The following ITGB8 variants were observed in gnomAD, a reference collection of about 807,000 sequenced individuals.
The protein encoded by ITGB8 is integrin subunit beta 8, also known as integrin beta-8.
In ITGB8, 30 loss-of-function variants were observed where a neutral mutation model predicts 89.5. The ratio of observed to expected loss-of-function variants is 0.34; its 90% CI spans 0.25 to 0.45. The LOEUF is 0.45. Among genes scored for constraint, ITGB8 ranks in the 20% least tolerant of loss-of-function variants. The probability of loss-of-function intolerance (pLI) is 1.00; values close to 1 mark genes in which losing one functional copy is unlikely to be tolerated. For missense variants in ITGB8, 836 were observed against 933.3 expected, an observed-to-expected ratio of 0.90 and a Z score of 1.36; for synonymous variants, 335 against 320.4, an observed-to-expected ratio of 1.05 and a Z score of -0.49.
At chr7:20,344,446 G>C (rs1784857190) in intron 1 of ITGB8, among the ~76,000 whole-genome samples, 1 of 152,202 alleles carries the variant, frequency 6.6e-6, no homozygotes, top group South Asian at 2.1e-4. Flanking sequence ...AATCCAGGCT[G>C]TGTCTCCAAT....
In ITGB8 at chr7:20,331,754, C is replaced by T; in HGVS notation, c.-53C>T. 3 of 1,570,346 alleles carry T rather than the reference C, an allele frequency of 1.9e-6. No individual in the cohort carries two copies. The highest frequency in any genetic ancestry group is 1.4e-5 in the African/African-American group (1 of 73,296). On this transcript the variant is annotated 5_prime_UTR_variant, in exon 1 of 14. Coordinates refer to ENST00000222573, the MANE Select transcript of ITGB8 (RefSeq NM_002214.3). Reference sequence around the variant, plus strand: ...CCGAGGTGCGCCCGGGAGGCGCGAGCCCGCGTCCGGAAGGCAGTCAGGCGG... The same window carrying T: ...CCGAGGTGCGCCCGGGAGGCGCGAGTCCGCGTCCGGAAGGCAGTCAGGCGG...
intron 12 of ITGB8, among the ~76,000 whole-genome samples, 188 bp from the exon 13 acceptor site, chr7:20,409,427 G>A (rs962083681): frequency 6.6e-6 from 1 of 152,176 alleles, no homozygotes; most frequent in Non-Finnish European, 1.5e-5. Context: ...TATTTTCATA[G>A]TAAACGCGCA....
chr7:20,362,493 G>T (rs1006240903), intron 1 of ITGB8, among the ~76,000 whole-genome samples: 1 of 152,154 alleles, frequency 6.6e-6, no homozygotes, highest in Non-Finnish European at 1.5e-5. Context: ...CCTTAAATAT[G>T]CCCTCTTCCT....
intron 1 of ITGB8, among the ~76,000 whole-genome samples, chr7:20,342,528 T>C (rs114762517): frequency 0.016 from 2,434 of 152,264 alleles, 69 homozygotes; most frequent in African/African-American, 0.055. Flanking sequence ...TTGTTGGATG[T>C]TGCCTAGATA....
intron 1 of ITGB8, among the ~76,000 whole-genome samples, chr7:20,353,512 T>C (rs1785178879): frequency 6.6e-6 from 1 of 152,176 alleles, no homozygotes; most frequent in South Asian, 2.1e-4. Context: ...GTAAGTGAAT[T>C]TGGTGATCTT....
chr7:20,359,508 A>G (rs755210930), intron 1 of ITGB8, among the ~76,000 whole-genome samples: 2 of 152,184 alleles, frequency 1.3e-5, no homozygotes, highest in Non-Finnish European at 2.9e-5. Flanking sequence ...GTTTTCTTGT[A>G]ATGTTGGATG....
chr7:20,398,147 G>A (rs1314804597), intron 8 of ITGB8, among the ~76,000 whole-genome samples: 6 of 152,182 alleles, frequency 3.9e-5, no homozygotes, highest in Non-Finnish European at 8.8e-5. Flanking sequence ...TTTATTGAAT[G>A]AGTGTATACA....
intron 1 of ITGB8, among the ~76,000 whole-genome samples, chr7:20,347,640 G>A (rs1225756711): frequency 1.3e-5 from 2 of 152,212 alleles, no homozygotes; most frequent in African/African-American, 4.8e-5. Flanking sequence ...ATTCAAGTCA[G>A]GAAGAGGAAC....
chr7:20,391,538 A>T, intron 7 of ITGB8, 40 bp downstream of exon 7: 3 of 1,071,002 alleles, frequency 2.8e-6, no homozygotes, highest in Middle Eastern at 2.1e-4. Context: ...AATTTTTTTC[A>T]TTGGTAATTG....
In ITGB8 at chr7:20,381,876, G is replaced by T. The variant is rs61733924; in HGVS notation, c.951G>T (p.Ser317=). The change falls in exon 6 of 14, where the codon TCG becomes TCT. Residue 317 remains serine, a synonymous_variant. Transcript: ENST00000222573. The part of the protein sequence containing the change: ...CHLKNNVYVK[S]TTMEHPSLGQ... Reference sequence around the variant, plus strand: ...TGAAAAACAACGTCTATGTCAAATCGACAACCATGGTAATGCAGCAGTAAC... The same window carrying T: ...TGAAAAACAACGTCTATGTCAAATCTACAACCATGGTAATGCAGCAGTAAC... 10,694 of 1,611,130 alleles carry T rather than the reference G, an allele frequency of 6.6e-3. 593 individuals carry two copies. In the African/African-American group the frequency reaches 0.12, roughly 18 times the overall value.
chr7:20,378,993 G>A, intron 3 of ITGB8, 58 bp from the exon 4 acceptor site: 1 of 1,403,760 alleles, frequency 7.1e-7, no homozygotes, highest in Non-Finnish European at 9.6e-7. Flanking sequence ...TTTATTAAGA[G>A]CTTATCCTGA....
At chr7:20,332,230 G>T (rs116856540) in intron 1 of ITGB8, among the ~76,000 whole-genome samples, 2,881 of 152,342 alleles carry the variant, frequency 0.019, 49 homozygotes, top group Non-Finnish European at 0.028. Context: ...CCTGTTTACA[G>T]AAGTCATTTA....
At chr7:20,336,000 C>CTTTTTTTT (rs201113693) in intron 1 of ITGB8, among the ~76,000 whole-genome samples, 9 of 96,398 alleles carry the variant, frequency 9.3e-5, no homozygotes, top group African/African-American at 1.3e-4. Context: ...TCTTGGTTTT[C>CTTTTTTTT]TTTTTTTTTT....
At chr7:20,372,457 G>T (rs1253401532) in intron 3 of ITGB8, among the ~76,000 whole-genome samples, 1 of 152,150 alleles carries the variant, frequency 6.6e-6, no homozygotes, top group Non-Finnish European at 1.5e-5. Context: ...CCAGGATCTG[G>T]CAAGCAACTT....
At chr7:20,374,560 A>G (rs1786059319) in intron 3 of ITGB8, among the ~76,000 whole-genome samples, 1 of 151,728 alleles carries the variant, frequency 6.6e-6, no homozygotes. Context: ...AAATGGTGGT[A>G]TGATCCAGTT....
intron 3 of ITGB8, among the ~76,000 whole-genome samples, chr7:20,372,028 CTCT>C (rs1374345807): frequency 6.6e-6 from 1 of 152,112 alleles, no homozygotes; most frequent in African/African-American, 2.4e-5. Context: ...ATCTTCATCT[CTCT>C]TTTTTTGTGT....
chr7:20,403,873 C>A (rs1157493169), intron 10 of ITGB8, among the ~76,000 whole-genome samples: 1 of 152,118 alleles, frequency 6.6e-6, no homozygotes, highest in East Asian at 1.9e-4. Flanking sequence ...CCCCTTTTGA[C>A]GATTTCTAGT....
chr7:20,337,964 CAGGAG>C (rs1411235070), intron 1 of ITGB8, among the ~76,000 whole-genome samples: 1 of 152,196 alleles, frequency 6.6e-6, no homozygotes. Flanking sequence ...GACACTGATG[CAGGAG>C]AGGTAAACAG....
intron 7 of ITGB8, 99 bp from the exon 8 acceptor site, chr7:20,394,797 C>A: frequency 2.5e-6 from 2 of 802,156 alleles, no homozygotes; most frequent in South Asian, 1.5e-5. Context: ...TTTAATGGTT[C>A]ACCTTCAACT....
Sources: gnomAD v4.1 joint callset for allele counts (sites outside exome capture counted in the v4.1 genomes callset) on GRCh38, gnomAD v4.1.1 for gene constraint, MANE v1.5 for transcripts, NCBI Gene and HGNC (gene_info 2026-07-23, HGNC 2026-07-21) for gene names.